The following RBFOX1 variants were observed in gnomAD, a reference collection of about 807,000 sequenced individuals.
The protein encoded by RBFOX1 is RNA binding protein fox-1 homolog 1.
RBFOX1 carries 8 observed loss-of-function variants against 57.7 expected under a neutral mutation model. The ratio of observed to expected loss-of-function variants is 0.14; its 90% confidence interval spans 0.08 to 0.25. The LOEUF (loss-of-function observed/expected upper bound fraction) is 0.25, where lower values mean the gene tolerates loss of function less well. Ranked by LOEUF, RBFOX1 falls within the 10% of genes least tolerant of loss-of-function variation. The pLI is 1.00. For synonymous variants in RBFOX1, 326 were observed against 222.4 expected (o/e 1.47, Z -4.15); for missense variants, 611 against 548.5 (o/e 1.11, Z -1.14).
At chr16:5,694,553 C>G (rs1437540621) in intron 3 of RBFOX1, among the ~76,000 whole-genome samples, 4 of 152,124 alleles carry the variant, frequency 2.6e-5, no homozygotes, top group African/African-American at 9.7e-5. Context: ...CCAGCACTGC[C>G]TTGCTGTACT....
intron 3 of RBFOX1, among the ~76,000 whole-genome samples, chr16:5,802,767 G>C (rs548442450): frequency 1.1e-4 from 17 of 152,218 alleles, no homozygotes; most frequent in Admixed American, 6.5e-4. Flanking sequence ...AATAAACTAA[G>C]TTTATGTATT....
At chr16:5,347,415 T>G (rs563421232) in intron 1 of RBFOX1, among the ~76,000 whole-genome samples, 1 of 152,156 alleles carries the variant, frequency 6.6e-6, no homozygotes, top group Non-Finnish European at 1.5e-5. Context: ...CTATGTCAGG[T>G]GGTGTACAAG....
At chr16:6,882,158 T>A (rs1382594272) in intron 3 of RBFOX1, among the ~76,000 whole-genome samples, 1 of 152,070 alleles carries the variant, frequency 6.6e-6, no homozygotes, top group East Asian at 1.9e-4. Context: ...GATGCCTCAT[T>A]AATTCTGTCT....
At chr16:5,483,008 C>G (rs1367830172) in intron 2 of RBFOX1, among the ~76,000 whole-genome samples, 1 of 152,198 alleles carries the variant, frequency 6.6e-6, no homozygotes, top group Non-Finnish European at 1.5e-5. Context: ...AGGACAGATA[C>G]AAACTGTCAT....
chr16:7,495,009 C>G (rs1376146195), intron 4 of RBFOX1, among the ~76,000 whole-genome samples: 1 of 151,994 alleles, frequency 6.6e-6, no homozygotes, highest in East Asian at 1.9e-4. Context: ...TCTGTTGTTC[C>G]CTTATTTATG....
At chr16:6,343,246 A>G (rs894668649) in intron 2 of RBFOX1, among the ~76,000 whole-genome samples, 1 of 150,570 alleles carries the variant, frequency 6.6e-6, no homozygotes, top group African/African-American at 2.4e-5. Context: ...TACAGTCATT[A>G]TTAATGTAGA....
In RBFOX1 at chr16:7,496,014, G is replaced by A. The variant is rs2068522043; in HGVS notation, c.28-22133G>A. The stretch of plus-strand genomic sequence containing the variant: ...ATACAGAGAAGAAGCTAATAAGAAC[G>A]TTCCAGAGAGATCCTACAGAACGTG... On this transcript the variant is annotated intron_variant, in intron 4 of 15. Coordinates refer to ENST00000550418, the MANE Select transcript of RBFOX1 (RefSeq NM_018723.4). 3.3e-5 allele frequency among the ~76,000 whole-genome samples: 5 copies of A among 152,168 alleles called. No homozygotes were observed. The South Asian group carries it at 8.3e-4, about 25-fold the overall frequency.
intron 1 of RBFOX1, among the ~76,000 whole-genome samples, chr16:5,326,057 T>A (rs1179761476): frequency 6.6e-6 from 1 of 152,172 alleles, no homozygotes; most frequent in African/African-American, 2.4e-5. Context: ...GCATCAGAGT[T>A]TTTACACTCC....
intron 2 of RBFOX1, among the ~76,000 whole-genome samples, chr16:6,369,078 G>GTA (rs1358963311): frequency 6.6e-6 from 1 of 152,100 alleles, no homozygotes; most frequent in African/African-American, 2.4e-5. Context: ...AGGGATATAT[G>GTA]TATATATACA....
At chr16:7,063,090 C>T (rs1247999864) in intron 4 of RBFOX1, among the ~76,000 whole-genome samples, 5 of 151,842 alleles carry the variant, frequency 3.3e-5, no homozygotes, top group Non-Finnish European at 7.4e-5. Flanking sequence ...TCCCTGATGC[C>T]TCTGTGAATC....
At chr16:7,238,003 C>CA in intron 4 of RBFOX1, among the ~76,000 whole-genome samples, 1 of 152,008 alleles carries the variant, frequency 6.6e-6, no homozygotes, top group East Asian at 1.9e-4. Context: ...GACCCTGTCT[C>CA]AAAAAAAGAA....
At position 7,595,580 on chromosome 16, in the gene RBFOX1, C is replaced by T. The variant is rs773528139; in HGVS notation, c.500C>T (p.Ala167Val). 1.9e-6 allele frequency: 3 copies of T among 1,560,626 alleles called. No homozygotes were observed. Among genetic ancestry groups the T allele is most frequent in the Admixed American group, 1.8e-5 (1 of 55,370 alleles). Residue 167 changes from alanine to valine, a missense_variant, in exon 8 of 16, where the codon GCC (alanine) becomes GTC (valine). By Grantham distance (64) the Ala-to-Val change is moderately conservative. Transcript: ENST00000550418. ...GFGFVTFENS[A>V]DADRAREKLH... The stretch of plus-strand genomic sequence containing the variant: ...GGTTTCGTAACTTTCGAAAATAGTG[C>T]CGATGCGGACAGGGCGAGGGAGAAA...
chr16:7,682,614 T>TA (rs1251709577), intron 14 of RBFOX1, among the ~76,000 whole-genome samples: 5 of 150,368 alleles, frequency 3.3e-5, no homozygotes, highest in Admixed American at 6.6e-5. Context: ...TAATTTTTTT[T>TA]AAAAAAAAGA....
intron 1 of RBFOX1, among the ~76,000 whole-genome samples, chr16:6,284,561 G>A (rs755061690): frequency 2.0e-4 from 30 of 152,232 alleles, no homozygotes; most frequent in East Asian, 1.5e-3. Flanking sequence ...TGAGGAAGAC[G>A]CCATAGCAAC....
intron 1 of RBFOX1, among the ~76,000 whole-genome samples, chr16:5,274,932 C>G (rs1410886190): frequency 1.3e-5 from 2 of 152,218 alleles, no homozygotes; most frequent in Non-Finnish European, 2.9e-5. Flanking sequence ...GGCCACCCAA[C>G]TTGAACAGTG....
At chr16:7,108,116 T>G (rs1180719430) in intron 4 of RBFOX1, among the ~76,000 whole-genome samples, 1 of 152,142 alleles carries the variant, frequency 6.6e-6, no homozygotes, top group African/African-American at 2.4e-5. Context: ...TGACCAATTT[T>G]CAGCTAATTA....
At chr16:6,771,857 G>C (rs943247615) in intron 3 of RBFOX1, among the ~76,000 whole-genome samples, 1 of 152,152 alleles carries the variant, frequency 6.6e-6, no homozygotes, top group African/African-American at 2.4e-5. Flanking sequence ...ATGCATTACT[G>C]TCAGGCTGTG....
chr16:5,451,945 C>T (rs923965355), intron 1 of RBFOX1, among the ~76,000 whole-genome samples: 1 of 152,104 alleles, frequency 6.6e-6, no homozygotes, highest in Non-Finnish European at 1.5e-5. Context: ...ATGGCTGTCT[C>T]TCTGGGGATC....
chr16:6,033,336 G>T (rs1368508315), intron 1 of RBFOX1, among the ~76,000 whole-genome samples: 1 of 151,708 alleles, frequency 6.6e-6, no homozygotes, highest in East Asian at 2.0e-4. Flanking sequence ...TAATAGTTTT[G>T]ATTAAATGGT....
Sources: allele counts gnomAD v4.1 joint callset (sites outside exome capture counted in the v4.1 genomes callset), GRCh38; gene constraint gnomAD v4.1.1; transcripts MANE v1.5; gene names NCBI Gene and HGNC (gene_info 2026-07-23, HGNC 2026-07-21).